The following AP1B1 variants were observed in gnomAD, a reference collection of about 807,000 sequenced individuals.
AP1B1 encodes the protein adaptor related protein complex 1 subunit beta 1.
Under a neutral mutation model 104.3 loss-of-function variants are expected in AP1B1, and 36 were observed. The ratio of observed to expected loss-of-function variants is 0.35; its 90% CI spans 0.26 to 0.46. The LOEUF (loss-of-function observed/expected upper bound fraction) is 0.46, where lower values mean the gene tolerates loss of function less well. Among genes scored for constraint, AP1B1 ranks in the 20% least tolerant of loss-of-function variants. The pLI is 1.00. For synonymous variants in AP1B1, 504 were observed against 517.5 expected (o/e 0.97, Z 0.35); for missense variants, 901 against 1,247.9 (o/e 0.72, Z 4.19).
intron 11 of AP1B1, among the ~76,000 whole-genome samples, chr22:29,346,121 G>A (rs2061789019): frequency 6.6e-6 from 1 of 152,198 alleles, no homozygotes; most frequent in African/African-American, 2.4e-5. Context: ...TAGAGACAAG[G>A]AAATGGGTTT....
intron 1 of AP1B1, among the ~76,000 whole-genome samples, chr22:29,369,065 T>C (rs893670111): frequency 3.3e-5 from 5 of 152,218 alleles, no homozygotes; most frequent in African/African-American, 1.2e-4. Context: ...CACTTCACTT[T>C]ATCTCTTTTG....
chr22:29,340,619 C>T, intron 14 of AP1B1, 37 bp downstream of exon 14: 1 of 1,496,340 alleles, frequency 6.7e-7, no homozygotes, highest in Non-Finnish European at 9.0e-7. Context: ...CTCTGAGGAT[C>T]ATTATCAACA....
intron 21 of AP1B1, chr22:29,329,929 C>T (rs1297052131): frequency 4.9e-6 from 7 of 1,429,812 alleles, no homozygotes; most frequent in Non-Finnish European, 6.4e-6. Context: ...GGCCCTGGAA[C>T]AGCGGTGCAG....
At chr22:29,366,074 G>A (rs1177219666) in intron 2 of AP1B1, among the ~76,000 whole-genome samples, 1 of 152,112 alleles carries the variant, frequency 6.6e-6, no homozygotes, top group African/African-American at 2.4e-5. Context: ...TCATCTGGTC[G>A]GCAGGCATGT....
intron 12 of AP1B1, 85 bp downstream of exon 12, chr22:29,342,200 G>T: frequency 8.7e-7 from 1 of 1,154,360 alleles, no homozygotes; most frequent in Non-Finnish European, 1.3e-6. Context: ...AGCGGGCCTG[G>T]CTTCCAGGTC....
chr22:29,340,113 T>C lies in AP1B1; in HGVS notation c.1999-339A>G, dbSNP rs185942685. 6.7e-3 allele frequency among the ~76,000 whole-genome samples: 1,013 copies of C among 152,226 alleles called. 36 individuals are homozygous for C. Among genetic ancestry groups the C allele is most frequent in the Admixed American group, 0.062 (943 of 15,294 alleles). On this transcript the variant is annotated intron_variant, in intron 14 of 22. Transcript: ENST00000357586. ...GAAGAGGTTTAGGCGCCCCCACACA[T>C]GGTCCTGCCAGTTGCCTGAGGAAGC...
chr22:29,366,827 G>GA (rs985088642), intron 2 of AP1B1, among the ~76,000 whole-genome samples: 10 of 122,622 alleles, frequency 8.2e-5, no homozygotes, highest in Non-Finnish European at 1.2e-4. Context: ...CGTGCCCTTG[G>GA]ATAAGGACAC....
At chr22:29,367,831 ACTT>A (rs749595241) in intron 1 of AP1B1, among the ~76,000 whole-genome samples, 3 of 152,280 alleles carry the variant, frequency 2.0e-5, no homozygotes, top group East Asian at 1.9e-4. Flanking sequence ...GGCTAGGGAG[ACTT>A]CTTCTCCCCA....
chr22:29,387,272 T>C (rs2062540765), intron 1 of AP1B1, among the ~76,000 whole-genome samples: 1 of 149,752 alleles, frequency 6.7e-6, no homozygotes, highest in Non-Finnish European at 1.5e-5. Flanking sequence ...CATCGTGACA[T>C]AAATCCAAAT....
intron 1 of AP1B1, among the ~76,000 whole-genome samples, chr22:29,373,290 TG>T (rs1162025239): frequency 1.3e-5 from 2 of 150,272 alleles, no homozygotes; most frequent in Non-Finnish European, 3.0e-5. Flanking sequence ...AAAAAAAGAG[TG>T]GGGGGTGGGG....
In AP1B1 at chr22:29,341,616, C is replaced by G. The variant is rs1236497512; in HGVS notation, c.1681G>C (p.Asp561His). The change falls in exon 13 of 23, where the codon GAC (aspartate) becomes CAC (histidine). Residue 561 changes from aspartate to histidine, a missense_variant. Transcript: ENST00000357586. ...ETDLIEPTLL[D>H]ELICYIGTLA... is the part of the protein sequence containing the mutation. ...GTGCCGATGTAGCAGATAAGCTCGT[C>G]TAACAGTGTGGGCTCGATGAGGTCC... 6.2e-7 allele frequency: 1 copy of G among 1,614,234 alleles called. No individual in the cohort carries two copies. Among genetic ancestry groups the G allele is most frequent in the Non-Finnish European group, 8.5e-7 (1 of 1,180,036 alleles).
rs1289496167 is a variant in AP1B1 at position 29,387,555 on chromosome 22, C to G, written c.-28+869G>C. On this transcript the variant is annotated intron_variant, in intron 1 of 22. Coordinates refer to ENST00000357586, the MANE Select transcript of AP1B1 (RefSeq NM_001127.4). ...ACTCCTGACCTCACGATCCACCCGC[C>G]TCAGCTTCCCAAAGTGCTGGGATTA... is the stretch of plus-strand genomic sequence containing the variant. Among the ~76,000 whole-genome samples, 3 of 152,322 alleles carry G rather than the reference C, an allele frequency of 2.0e-5. No individual in the cohort carries two copies. In the East Asian group the frequency reaches 5.8e-4, roughly 29 times the overall value.
chr22:29,365,074 C>T (rs1356836416), intron 2 of AP1B1, among the ~76,000 whole-genome samples: 1 of 152,164 alleles, frequency 6.6e-6, no homozygotes, highest in African/African-American at 2.4e-5. Context: ...TTATTTCATC[C>T]TCACAACTCT....
rs533092025 is a variant in AP1B1, at chr22:29,379,448, T to C, written c.-28+8976A>G. On this transcript the variant is annotated intron_variant, in intron 1 of 22. Coordinates refer to ENST00000357586, the MANE Select transcript of AP1B1 (RefSeq NM_001127.4). Reference sequence around the variant, plus strand: ...AGAGACTACAGAACAACGCTCTTTGTGATCTCGGTTTTCCCATCTATGTAA... The same window carrying C: ...AGAGACTACAGAACAACGCTCTTTGCGATCTCGGTTTTCCCATCTATGTAA... Among the ~76,000 whole-genome samples, 3 of 152,350 alleles carry C rather than the reference T, an allele frequency of 2.0e-5. No homozygotes were observed. In the South Asian group the frequency reaches 6.2e-4, roughly 32 times the overall value.
Position 29,351,231 on chromosome 22 carries a change from C to G in AP1B1, c.1095G>C (p.Val365=). 6.2e-7 allele frequency: 1 copy of G among 1,614,238 alleles called. No individual in the cohort carries two copies. The highest frequency in any genetic ancestry group is 1.1e-5 in the South Asian group (1 of 91,084). The change falls in exon 9 of 23, where the codon GTG becomes GTC. Residue 365 remains valine, a synonymous_variant. Coordinates refer to ENST00000357586, the MANE Select transcript of AP1B1 (RefSeq NM_001127.4). The part of the protein sequence containing the change: ...LAELKEYATE[V]DVDFVRKAVR... ...CAGCCTTCCGTACAAAGTCCACATC[C>G]ACTTCTGTTGCGTACTCTTTCAGCT...
intron 22 of AP1B1, 117 bp downstream of exon 22, chr22:29,329,595 C>G: frequency 6.4e-7 from 1 of 1,553,380 alleles, no homozygotes; most frequent in Non-Finnish European, 8.7e-7. Flanking sequence ...CTGAAGCCCC[C>G]CGGGTGAGGT....
chr22:29,332,368 G>A (rs764881659), intron 17 of AP1B1: 3 of 155,434 alleles, frequency 1.9e-5, no homozygotes, highest in African/African-American at 4.8e-5. Context: ...CAAGCAAGAC[G>A]CTAGATTTTA....
chr22:29,360,437 CCTCT>C, intron 3 of AP1B1, among the ~76,000 whole-genome samples: 1 of 152,274 alleles, frequency 6.6e-6, no homozygotes, highest in African/African-American at 2.4e-5. Context: ...ATCCTTTCTC[CCTCT>C]CTGATACTTA....
Position 29,328,504 on chromosome 22 carries a change from A to C in AP1B1, c.*317T>G. 3.6e-6 allele frequency: 1 copy of C among 278,360 alleles called. No individual in the cohort carries two copies. The allele number at this position is 278,360 out of a possible 1,614,324, so 17.2% of individuals were successfully genotyped here. A position where few individuals can be genotyped will look rare whatever the true frequency, so the allele number is the denominator to read the frequency against. On this transcript the variant is annotated 3_prime_UTR_variant, in exon 23 of 23. Coordinates refer to ENST00000357586, the MANE Select transcript of AP1B1 (RefSeq NM_001127.4). The surrounding 1 kb of genome is among the most constrained non-coding windows in gnomAD (Gnocchi z 4.1). ...GCCGGGGCTGTGAGCCGGAGGGGCA[A>C]GCTCCACACTCACCCTTCAGGCACA... is the stretch of plus-strand genomic sequence containing the variant.
Sources: gnomAD v4.1 joint callset for allele counts (sites outside exome capture counted in the v4.1 genomes callset) on GRCh38, gnomAD v4.1.1 for gene constraint, Gnocchi (gnomAD v3.1) non-coding constraint, MANE v1.5 for transcripts, NCBI Gene and HGNC (gene_info 2026-07-23, HGNC 2026-07-21) for gene names.